RHBDL3: variants seen among roughly 807,000 people sequenced by gnomAD.
RHBDL3 encodes rhomboid-related protein 3.
A neutral mutation model predicts 48.2 loss-of-function variants in RHBDL3; 28 were observed. That is an observed-to-expected ratio of 0.58 (90% CI 0.43 to 0.80). The LOEUF is 0.80. RHBDL3 is among the 30% of genes least tolerant of loss of function. RHBDL3 has a pLI of 0.00. For missense variants in RHBDL3, 464 were observed against 542.7 expected (o/e 0.85, Z 1.44); for synonymous variants, 208 against 232.3 (o/e 0.90, Z 0.95).
chr17:32,290,074 C>T (rs187199950), intron 4 of RHBDL3, among the ~76,000 whole-genome samples: 14 of 152,272 alleles, frequency 9.2e-5, no homozygotes, highest in Middle Eastern at 3.4e-3. Context: ...CCAATAATAA[C>T]GAGATGCCTT....
intron 5 of RHBDL3, 30 bp downstream of exon 5, chr17:32,294,472 A>G (rs1034139268): frequency 2.5e-6 from 4 of 1,595,094 alleles, no homozygotes; most frequent in Non-Finnish European, 3.4e-6. Context: ...TGCTCTGTCA[A>G]AAGACCCTAC....
chr17:32,279,029 A>G (rs1410940495), intron 2 of RHBDL3, among the ~76,000 whole-genome samples: 5 of 152,136 alleles, frequency 3.3e-5, no homozygotes, highest in African/African-American at 1.2e-4. Flanking sequence ...TCAGGAAGCA[A>G]ACACAGGAAG....
intron 2 of RHBDL3, among the ~76,000 whole-genome samples, chr17:32,279,638 CT>C (rs2039995530): frequency 2.0e-5 from 3 of 152,238 alleles, no homozygotes; most frequent in Admixed American, 2.0e-4. Flanking sequence ...AGAAGATTGG[CT>C]GCCCTTGTGG....
intron 6 of RHBDL3, among the ~76,000 whole-genome samples, chr17:32,302,089 A>C (rs1173041470): frequency 1.3e-5 from 2 of 152,200 alleles, no homozygotes; most frequent in African/African-American, 4.8e-5. Context: ...CTCTGTGCAG[A>C]GGTGTGGCAT....
intron 8 of RHBDL3, among the ~76,000 whole-genome samples, chr17:32,318,121 C>T (rs2150758312): frequency 6.6e-6 from 1 of 151,886 alleles, no homozygotes; most frequent in African/African-American, 2.4e-5. Context: ...TAGACTGAGG[C>T]AGGAAGATCT....
At position 32,321,257 on chromosome 17, in the gene RHBDL3, G is replaced by C; in HGVS notation, c.*28G>C. 1.9e-6 allele frequency: 3 copies of C among 1,613,882 alleles called. No homozygotes were observed. Among genetic ancestry groups the C allele is most frequent in the Non-Finnish European group, 2.5e-6 (3 of 1,179,994 alleles). On this transcript the variant is annotated 3_prime_UTR_variant, in exon 9 of 9. Transcript: ENST00000269051. ...GCTGGAGGCCCAAGGTCGGGGAGGGGAGGGAAAAGCAGCACCCACAGGGAG... is the reference window on the plus strand; with the variant it reads ...GCTGGAGGCCCAAGGTCGGGGAGGGCAGGGAAAAGCAGCACCCACAGGGAG...
chr17:32,287,912 G>T (rs2040234687), intron 3 of RHBDL3, among the ~76,000 whole-genome samples: 1 of 152,216 alleles, frequency 6.6e-6, no homozygotes, highest in Non-Finnish European at 1.5e-5. Flanking sequence ...GCCACCTCTG[G>T]TCTCCGAGTC....
rs1046980505 is a variant in RHBDL3, at chr17:32,320,886, G to A, written c.944-72G>A. ...TAATAGGGAATGAATTCATGGGTGGGTGATGAAGTGAAGGCCCTCAGCCCC... is the reference window on the plus strand; with the variant it reads ...TAATAGGGAATGAATTCATGGGTGGATGATGAAGTGAAGGCCCTCAGCCCC... On this transcript the variant is annotated intron_variant, in intron 8 of 8. Transcript: ENST00000269051. 4.4e-5 allele frequency: 46 copies of A among 1,047,976 alleles called. 6 individuals carry two copies. The South Asian group carries it at 6.3e-4, about 14-fold the overall frequency. 64.9% of individuals were successfully genotyped at this position (1,047,976 alleles called of 1,614,324 possible).
intron 7 of RHBDL3, among the ~76,000 whole-genome samples, chr17:32,313,573 C>G (rs1174773080): frequency 6.6e-6 from 1 of 151,960 alleles, no homozygotes; most frequent in South Asian, 2.1e-4. Context: ...CTCCCCACCC[C>G]CTCCTCCCTC....
chr17:32,271,298 T>A (rs1330957123), intron 2 of RHBDL3, among the ~76,000 whole-genome samples: 1 of 152,246 alleles, frequency 6.6e-6, no homozygotes, highest in East Asian at 1.9e-4. Flanking sequence ...ATTATATTGT[T>A]TGAGAAATGT....
chr17:32,291,771 C>CTTT (rs36113178), intron 4 of RHBDL3, among the ~76,000 whole-genome samples: 2 of 131,272 alleles, frequency 1.5e-5, no homozygotes, highest in Non-Finnish European at 3.2e-5. Flanking sequence ...TGAGATATTC[C>CTTT]TTTTTTTTTT....
chr17:32,266,360 C>A, intron 1 of RHBDL3, 60 bp downstream of exon 1: 2 of 880,898 alleles, frequency 2.3e-6, no homozygotes, highest in South Asian at 1.9e-5. Flanking sequence ...AAAAGCCGCC[C>A]CTGTCTCGCC....
At chr17:32,281,832 C>T (rs976165016) in intron 2 of RHBDL3, among the ~76,000 whole-genome samples, 2 of 152,204 alleles carry the variant, frequency 1.3e-5, no homozygotes, top group African/African-American at 4.8e-5. Flanking sequence ...GGCCCACACT[C>T]ACCTATTTGG....
intron 6 of RHBDL3, among the ~76,000 whole-genome samples, chr17:32,303,205 C>T (rs1422270275): frequency 2.0e-5 from 3 of 152,214 alleles, no homozygotes; most frequent in Non-Finnish European, 4.4e-5. Flanking sequence ...CCTGGGGCGG[C>T]TCTGCCTTGG....
At chr17:32,295,923 AGG>A (rs1384807301) in intron 5 of RHBDL3, among the ~76,000 whole-genome samples, 1 of 152,200 alleles carries the variant, frequency 6.6e-6, no homozygotes, top group Non-Finnish European at 1.5e-5. Context: ...AGGTGTTCAC[AGG>A]GTCAGAAAAC....
At chr17:32,272,093 A>G (rs575377238) in intron 2 of RHBDL3, among the ~76,000 whole-genome samples, 98 of 152,250 alleles carry the variant, frequency 6.4e-4, no homozygotes, top group Non-Finnish European at 1.0e-3. Flanking sequence ...GGTGACTATG[A>G]GAATTAAATG....
At chr17:32,300,373 C>A (rs1318654465) in intron 6 of RHBDL3, among the ~76,000 whole-genome samples, 5 of 151,970 alleles carry the variant, frequency 3.3e-5, no homozygotes, top group Admixed American at 6.6e-5. Flanking sequence ...CATAGGGAGA[C>A]CCTGTCTCTA....
intron 6 of RHBDL3, among the ~76,000 whole-genome samples, chr17:32,299,337 T>C (rs2150732450): frequency 1.3e-5 from 2 of 152,254 alleles, no homozygotes; most frequent in South Asian, 4.1e-4. Flanking sequence ...CCCTGCACCA[T>C]CTCCTTTGCT....
At chr17:32,318,864 T>C (rs2150759499) in intron 8 of RHBDL3, among the ~76,000 whole-genome samples, 1 of 152,300 alleles carries the variant, frequency 6.6e-6, no homozygotes, top group East Asian at 1.9e-4. Flanking sequence ...TCCACCTTCC[T>C]TACTTCTTAC....
Sources: gnomAD v4.1 joint callset for allele counts (sites outside exome capture counted in the v4.1 genomes callset) on GRCh38, gnomAD v4.1.1 for gene constraint, MANE v1.5 for transcripts, NCBI Gene and HGNC (gene_info 2026-07-23, HGNC 2026-07-21) for gene names.